KIF5B: variants seen among roughly 807,000 people sequenced by gnomAD.
KIF5B encodes kinesin-1 heavy chain.
KIF5B carries 49 observed loss-of-function variants against 132.8 expected under a neutral mutation model. The ratio of observed to expected loss-of-function variants is 0.37; its 90% CI spans 0.29 to 0.47. The LOEUF (loss-of-function observed/expected upper bound fraction) is 0.47. Among genes scored for constraint, KIF5B ranks in the 20% least tolerant of loss-of-function variants. The pLI is 1.00. For missense variants in KIF5B, 780 were observed against 1,144.0 expected (o/e 0.68, Z 4.59); for synonymous variants, 355 against 369.4 (o/e 0.96, Z 0.45).
intron 24 of KIF5B, 61 bp from the exon 25 acceptor site, chr10:32,015,720 T>A: frequency 3.0e-6 from 4 of 1,353,608 alleles, no homozygotes; most frequent in Non-Finnish European, 4.1e-6. Context: ...GCAATGACTG[T>A]TAAGGTTTCT....
In KIF5B at chr10:32,034,801, CCACATTGA is replaced by C; in HGVS notation, c.992_999del (p.Val331GlyfsTer12). On this transcript the variant is annotated frameshift_variant, in exon 11 of 26. Transcript: ENST00000302418. LOFTEE classifies it high-confidence loss of function. ...TTTTTCCACTGTTCTGCAGTTAACT[CCACATTGA>C]CACAAACTGTGTTCTTAATTGTTTT... The C allele has an allele frequency of 6.2e-7, 1 of 1,602,100 alleles. No individual in the cohort carries two copies. Among genetic ancestry groups the C allele is most frequent in the Non-Finnish European group, 8.5e-7 (1 of 1,175,242 alleles).
rs1841648218 is a variant in KIF5B at position 32,048,673 on chromosome 10, T to C, written c.127-122A>G. The C allele has an allele frequency of 1.1e-5, 7 of 613,086 alleles. No homozygotes were observed. In the Admixed American group the frequency reaches 2.3e-4, roughly 20 times the overall value. The allele number at this position is 613,086 out of a possible 1,614,324, so 38.0% of individuals were successfully genotyped here. A position where few individuals can be genotyped will look rare whatever the true frequency, so the allele number is the denominator to read the frequency against. ...AATAGTATACCTAGTATGCATAATTTGGTATCATTGAATCTTTGAAGTAGA... is the reference window on the plus strand; with the variant it reads ...AATAGTATACCTAGTATGCATAATTCGGTATCATTGAATCTTTGAAGTAGA... On this transcript the variant is annotated intron_variant, in intron 1 of 25. Coordinates refer to ENST00000302418, the MANE Select transcript of KIF5B (RefSeq NM_004521.3).
chr10:32,055,932 G>A lies in KIF5B; in HGVS notation c.42C>T (p.Arg14=), dbSNP rs1452693443. ...CTTCAGACTCGTTGAGAGGTCTGAAGCGACACATCACTTTGATGTTGCACT... is the reference window on the plus strand; with the variant it reads ...CTTCAGACTCGTTGAGAGGTCTGAAACGACACATCACTTTGATGTTGCACT... ...LAECNIKVMC[R]FRPLNESEVN... The change falls in exon 1 of 26, where the codon CGC becomes CGT. Residue 14 remains arginine (R), a synonymous_variant. Coordinates refer to ENST00000302418, the MANE Select transcript of KIF5B (RefSeq NM_004521.3). 2.5e-6 allele frequency: 4 copies of A among 1,611,386 alleles called. No homozygotes were observed. In the African/African-American group the frequency reaches 4.0e-5, roughly 16 times the overall value.
chr10:32,055,435 C>G (rs1345423249), intron 1 of KIF5B, among the ~76,000 whole-genome samples: 1 of 152,126 alleles, frequency 6.6e-6, no homozygotes, highest in African/African-American at 2.4e-5. Flanking sequence ...CTCAATGTCA[C>G]CAGCCGATCT....
chr10:32,022,201 T>C lies in KIF5B; in HGVS notation c.1971A>G (p.Lys657=). The change falls in exon 17 of 26, where the codon AAA becomes AAG. Residue 657 remains lysine (K), a synonymous_variant. Transcript: ENST00000302418. The part of the protein sequence containing the change: ...TEYLQNVEQK[K]RQLEESVDAL... ...CATCGACAGATTCCTCCAACTGTCT[T>C]TTCTTTTGTTCCACATTTTGAAGGT... is the stretch of plus-strand genomic sequence containing the variant. 1.2e-6 allele frequency: 2 copies of C among 1,613,782 alleles called. No individual in the cohort carries two copies. The highest frequency in any genetic ancestry group is 1.7e-6 in the Non-Finnish European group (2 of 1,179,854).
chr10:32,031,356 T>G, intron 13 of KIF5B, 77 bp from the exon 14 acceptor site: 2 of 1,110,360 alleles, frequency 1.8e-6, no homozygotes, highest in Non-Finnish European at 2.7e-6. Context: ...TCACCATTTG[T>G]CAAGAACAAA....
chr10:32,043,635 T>C (rs569091120), intron 2 of KIF5B, among the ~76,000 whole-genome samples: 1 of 152,284 alleles, frequency 6.6e-6, no homozygotes, highest in African/African-American at 2.4e-5. Flanking sequence ...AATAGCTACT[T>C]AACACAAGGG....
chr10:32,012,492 A>G (rs577391184), intron 25 of KIF5B, among the ~76,000 whole-genome samples: 1 of 152,358 alleles, frequency 6.6e-6, no homozygotes, highest in East Asian at 1.9e-4. Context: ...TAAGTGAATC[A>G]TATACTCCCC....
chr10:32,025,708 T>C (rs2132591413), intron 15 of KIF5B, among the ~76,000 whole-genome samples: 1 of 152,352 alleles, frequency 6.6e-6, no homozygotes, highest in South Asian at 2.1e-4. Context: ...CTTTGTTCAT[T>C]AATTGCCAAA....
At chr10:32,054,986 T>A (rs898083943) in intron 1 of KIF5B, among the ~76,000 whole-genome samples, 1 of 152,204 alleles carries the variant, frequency 6.6e-6, no homozygotes, top group African/African-American at 2.4e-5. Context: ...AATCTAATAC[T>A]GGTCAATTTT....
intron 15 of KIF5B, 76 bp from the exon 16 acceptor site, chr10:32,023,112 C>A (rs1841287437): frequency 2.7e-6 from 2 of 738,780 alleles, no homozygotes; most frequent in Non-Finnish European, 4.0e-6. Context: ...GCTATAAAAT[C>A]TTTTTATAAA....
At chr10:32,036,715 A>C (rs987098785) in intron 8 of KIF5B, among the ~76,000 whole-genome samples, 1 of 152,282 alleles carries the variant, frequency 6.6e-6, no homozygotes, top group African/African-American at 2.4e-5. Flanking sequence ...CGGAATAGAT[A>C]TATCATTCTA....
At chr10:32,053,643 G>A (rs1180247686) in intron 1 of KIF5B, among the ~76,000 whole-genome samples, 1 of 151,440 alleles carries the variant, frequency 6.6e-6, no homozygotes, top group Non-Finnish European at 1.5e-5. Flanking sequence ...AGAATCGTTT[G>A]AACCCGGGAG....
At chr10:32,034,639 C>G in intron 11 of KIF5B, 51 bp downstream of exon 11, 1 of 1,367,240 alleles carries the variant, frequency 7.3e-7, no homozygotes, top group Non-Finnish European at 9.7e-7. Context: ...CGTTTCTATG[C>G]TCTAAATCTG....
Position 32,021,258 on chromosome 10 carries a change from A to C in KIF5B, c.2062T>G (p.Leu688Val), listed in dbSNP as rs1841255019. 6.2e-7 allele frequency: 1 copy of C among 1,613,132 alleles called. No individual in the cohort carries two copies. ...TCATTTGCAGTCTGAACCTTATTTAAGTGCTCCTTTTCCATTTCATGGACT... is the reference window on the plus strand; with the variant it reads ...TCATTTGCAGTCTGAACCTTATTTACGTGCTCCTTTTCCATTTCATGGACT... ...EKVHEMEKEH[L>V]NKVQTANEVK... The change falls in exon 18 of 26, where the codon TTA becomes GTA. Residue 688 changes from leucine (L) to valine (V), a missense_variant. Around this residue, in one of 9 missense-constraint regions of KIF5B, gnomAD observed 471 missense variants for 569.9 expected, o/e 0.83. Transcript: ENST00000302418.
chr10:32,050,482 C>G (rs551923776), intron 1 of KIF5B, among the ~76,000 whole-genome samples: 4 of 152,328 alleles, frequency 2.6e-5, no homozygotes, highest in African/African-American at 9.6e-5. Flanking sequence ...GCTGTAGCAT[C>G]CATCTTGCAA....
chr10:32,038,972 A>G lies in KIF5B; in HGVS notation c.394-146T>C, dbSNP rs556371273. ...GCTCACATTCTAATGGGAAGACATAAATTAGCCAAATTAGCTTAGTTATTT... is the reference window on the plus strand; with the variant it reads ...GCTCACATTCTAATGGGAAGACATAGATTAGCCAAATTAGCTTAGTTATTT... On this transcript the variant is annotated intron_variant, in intron 4 of 25. Transcript: ENST00000302418. 5.9e-5 allele frequency: 36 copies of G among 615,198 alleles called. No homozygotes were observed. In the East Asian group the frequency reaches 1.1e-3, roughly 18 times the overall value. 38.1% of individuals were successfully genotyped at this position (615,198 alleles called of 1,614,324 possible). A position where few individuals can be genotyped will look rare whatever the true frequency, so the allele number is the denominator to read the frequency against.
intron 1 of KIF5B, among the ~76,000 whole-genome samples, chr10:32,048,880 A>C (rs1308545357): frequency 6.6e-6 from 1 of 152,032 alleles, no homozygotes; most frequent in African/African-American, 2.4e-5. Flanking sequence ...CTATTTATTT[A>C]TTTTTGAGAC....
Position 32,038,597 on chromosome 10 carries a change from G to A in KIF5B, c.442+181C>T, listed in dbSNP as rs979530220. Among the ~76,000 whole-genome samples the A allele has an allele frequency of 4.6e-5, 7 of 152,044 alleles. No individual in the cohort carries two copies. The East Asian group carries it at 5.8e-4, about 13-fold the overall frequency. On this transcript the variant is annotated intron_variant, in intron 5 of 25. Coordinates refer to ENST00000302418, the MANE Select transcript of KIF5B (RefSeq NM_004521.3). The stretch of plus-strand genomic sequence containing the variant: ...CTACTAAGAAGTACCCATAAACATC[G>A]CTTTAAACTAGTTATTCTATTTAAA...
Sources: gnomAD v4.1 joint callset for allele counts (sites outside exome capture counted in the v4.1 genomes callset) on GRCh38, gnomAD v4.1.1 for gene constraint, gnomAD v4.1.1 regional missense constraint, MANE v1.5 for transcripts, NCBI Gene and HGNC (gene_info 2026-07-23, HGNC 2026-07-21) for gene names.